POLR3E: variants seen among roughly 807,000 people sequenced by gnomAD.
POLR3E encodes RNA polymerase III subunit E.
POLR3E carries 41 observed loss-of-function variants against 96.6 expected under a neutral mutation model. The ratio of observed to expected loss-of-function variants is 0.42; its 90% CI spans 0.33 to 0.55. The LOEUF is 0.55. Among genes scored for constraint, POLR3E ranks in the 20% least tolerant of loss-of-function variants. The probability of loss-of-function intolerance (pLI) is 0.06; values close to 1 mark genes in which losing one functional copy is unlikely to be tolerated. For missense variants in POLR3E, 849 were observed against 952.1 expected, an observed-to-expected ratio of 0.89 and a Z score of 1.43; for synonymous variants, 396 against 383.6, an observed-to-expected ratio of 1.03 and a Z score of -0.38.
chr16:22,331,907 A>T, intron 19 of POLR3E, 153 bp from the exon 20 acceptor site: 1 of 679,746 alleles, frequency 1.5e-6, no homozygotes, highest in Non-Finnish European at 2.5e-6. Context: ...GTCTCTAGAG[A>T]TGACTTGGCT....
At chr16:22,328,721 C>G in intron 19 of POLR3E, 134 bp downstream of exon 19, 1 of 724,084 alleles carries the variant, frequency 1.4e-6, no homozygotes, top group South Asian at 1.5e-5. Flanking sequence ...TTTTAAATAT[C>G]CTGCTCCAAC....
In POLR3E at chr16:22,313,743, C is replaced by G; in HGVS notation, c.472+16C>G. 1 of 1,549,658 alleles carries G rather than the reference C, an allele frequency of 6.5e-7. No individual in the cohort carries two copies. The highest frequency in any genetic ancestry group is 1.1e-5 in the South Asian group (1 of 89,756). On this transcript the variant is annotated intron_variant, in intron 7 of 20. Coordinates refer to ENST00000299853, the MANE Select transcript of POLR3E (RefSeq NM_018119.4). This position sits in a 1 kb window ranked among gnomAD's most constrained non-coding sequence, Gnocchi z 4.1. ...GCCAACGAGGGTGAGCCCGGGATCCCCAGCCCTGCTGCCTGCCTGCCTTCA... is the reference window on the plus strand; with the variant it reads ...GCCAACGAGGGTGAGCCCGGGATCCGCAGCCCTGCTGCCTGCCTGCCTTCA...
chr16:22,324,706 C>A, intron 16 of POLR3E, 46 bp downstream of exon 16: 1 of 1,594,696 alleles, frequency 6.3e-7, no homozygotes, highest in Non-Finnish European at 8.6e-7. Context: ...ATCCCAGCAA[C>A]CCTGCATCCT....
At chr16:22,325,387 C>T (rs990903184) in intron 17 of POLR3E, 121 bp downstream of exon 17, 5 of 798,836 alleles carry the variant, frequency 6.3e-6, no homozygotes, top group Middle Eastern at 2.9e-4. Flanking sequence ...ACCGTTCACC[C>T]TTCACCCTCC....
chr16:22,324,493 T>C lies in POLR3E; in HGVS notation c.1129-10T>C. ...TGGCTGTGCCTCACGCTGGGCCCCC[T>C]CCCCTCCAGCTCTGCGCCGAGGATG... On this transcript the variant is annotated splice_polypyrimidine_tract_variant and intron_variant, in intron 15 of 20. Coordinates refer to ENST00000299853, the MANE Select transcript of POLR3E (RefSeq NM_018119.4). 1 of 1,600,978 alleles carries C rather than the reference T, an allele frequency of 6.2e-7. No homozygotes were observed. Among genetic ancestry groups the C allele is most frequent in the South Asian group, 1.1e-5 (1 of 90,710 alleles).
intron 19 of POLR3E, among the ~76,000 whole-genome samples, chr16:22,331,272 C>T (rs2048734895): frequency 6.6e-6 from 1 of 152,028 alleles, no homozygotes; most frequent in Non-Finnish European, 1.5e-5. Context: ...AGCCTCTGCG[C>T]CCGGCATGAA....
rs138320686 is a variant in POLR3E at position 22,311,028 on chromosome 16, C to G, written c.364+1518C>G. Among the ~76,000 whole-genome samples, 818 of 152,278 alleles carry G rather than the reference C, an allele frequency of 5.4e-3. 5 individuals are homozygous for G. Among genetic ancestry groups the G allele is most frequent in the Non-Finnish European group, 9.6e-3 (652 of 68,032 alleles). Reference sequence around the variant, plus strand: ...TTGCCCAAGTTGGAGTGCAGTGGCTCAATCTTGGCTCACTGAAACCTCTGC... The same window carrying G: ...TTGCCCAAGTTGGAGTGCAGTGGCTGAATCTTGGCTCACTGAAACCTCTGC... On this transcript the variant is annotated intron_variant, in intron 6 of 20. Coordinates refer to ENST00000299853, the MANE Select transcript of POLR3E (RefSeq NM_018119.4).
rs781538164 is a variant in POLR3E, at chr16:22,326,058, C to T, written c.1646C>T (p.Pro549Leu). 1.5e-5 allele frequency: 24 copies of T among 1,607,356 alleles called. No individual in the cohort carries two copies. Among genetic ancestry groups the T allele is most frequent in the South Asian group, 1.4e-4 (13 of 90,552 alleles). ...AAGTDSFNGHPPQGCASTPVA... is the reference protein window; with the variant it reads ...AAGTDSFNGHLPQGCASTPVA... ...GGCACAGACAGCTTCAACGGGCACC[C>T]GCCCCAGGGCTGCGCCAGCACCCCT... The change falls in exon 18 of 21, where the codon CCG becomes CTG. Residue 549 changes from proline to leucine, a missense_variant. By Grantham distance (98) the Pro-to-Leu change is moderately conservative. Coordinates refer to ENST00000299853, the MANE Select transcript of POLR3E (RefSeq NM_018119.4).
chr16:22,303,800 C>T (rs2048077939), intron 2 of POLR3E, among the ~76,000 whole-genome samples: 1 of 149,344 alleles, frequency 6.7e-6, no homozygotes, highest in South Asian at 2.1e-4. Context: ...ATCACCACGC[C>T]CGACTAATTT....
At chr16:22,315,758 G>T (rs943397005) in intron 9 of POLR3E, among the ~76,000 whole-genome samples, 1 of 152,050 alleles carries the variant, frequency 6.6e-6, no homozygotes, top group Non-Finnish European at 1.5e-5. Context: ...TGCAACCTCC[G>T]CCTCCCGGGT....
chr16:22,310,639 A>AC (rs397783107), intron 6 of POLR3E, among the ~76,000 whole-genome samples: 1 of 148,890 alleles, frequency 6.7e-6, no homozygotes, highest in Non-Finnish European at 1.5e-5. Context: ...AAAAAAAAAA[A>AC]GGTAAAAAGC....
chr16:22,328,733 CTG>C, intron 19 of POLR3E, 146 bp downstream of exon 19: 1 of 677,224 alleles, frequency 1.5e-6, no homozygotes, highest in South Asian at 1.7e-5. Context: ...TGCTCCAACT[CTG>C]TACGCTAACA....
intron 9 of POLR3E, among the ~76,000 whole-genome samples, chr16:22,315,947 C>T (rs968619502): frequency 7.2e-5 from 11 of 152,110 alleles, no homozygotes; most frequent in African/African-American, 2.2e-4. Flanking sequence ...GGATTACAGG[C>T]GTGAGCCACG....
At chr16:22,327,157 T>C (rs1292258164) in intron 18 of POLR3E, 4 of 152,534 alleles carry the variant, frequency 2.6e-5, no homozygotes, top group African/African-American at 9.6e-5. Context: ...TAAGAAAGCA[T>C]TGATGTTTTC....
rs1266704043 is a variant in POLR3E, at chr16:22,315,111, C to T, written c.545C>T (p.Ser182Leu). ...QITVRFSRPESEQARQRRVQS... is the reference protein window; with the variant it reads ...QITVRFSRPELEQARQRRVQS... ...CAGGTGCGGTTCTCCCGGCCGGAGTCAGAGCAGGCCCGCCAGCGCCGTGTG... is the reference window on the plus strand; with the variant it reads ...CAGGTGCGGTTCTCCCGGCCGGAGTTAGAGCAGGCCCGCCAGCGCCGTGTG... The change falls in exon 9 of 21, where the codon TCA (serine) becomes TTA (leucine). Residue 182 changes from serine to leucine, a missense_variant. Transcript: ENST00000299853. The T allele has an allele frequency of 2.5e-6, 4 of 1,613,506 alleles. No homozygotes were observed. Among genetic ancestry groups the T allele is most frequent in the Admixed American group, 3.3e-5 (2 of 59,996 alleles).
At chr16:22,307,767 G>A (rs1450649964) in intron 3 of POLR3E, among the ~76,000 whole-genome samples, 1 of 152,122 alleles carries the variant, frequency 6.6e-6, no homozygotes, top group East Asian at 1.9e-4. Flanking sequence ...CCTTTTGGTC[G>A]TCCTTCTCTC....
At position 22,325,894 on chromosome 16, in the gene POLR3E, T is replaced by G. The variant is rs373879568; in HGVS notation, c.1482T>G (p.Gly494=). The change falls in exon 18 of 21, where the codon GGT becomes GGG. Residue 494 remains glycine (G), a synonymous_variant. Transcript: ENST00000299853. ...TGCGGGTGCCTGCGGTCCCGCCCGG[T>G]GTGCGGATCAAGGAGGAGCCCGTGA... ...EQLRVPAVPP[G]VRIKEEPVSE... 9.3e-6 allele frequency: 15 copies of G among 1,608,252 alleles called. No individual in the cohort carries two copies. Among genetic ancestry groups the G allele is most frequent in the East Asian group, 4.5e-5 (2 of 44,630 alleles).
At chr16:22,301,963 A>G (rs1464625824) in intron 1 of POLR3E, among the ~76,000 whole-genome samples, 1 of 151,504 alleles carries the variant, frequency 6.6e-6, no homozygotes, top group African/African-American at 2.4e-5. Flanking sequence ...CTCACCCAAG[A>G]GCAGAGGTTT....
chr16:22,298,007 C>T (rs2047931924), intron 1 of POLR3E, among the ~76,000 whole-genome samples: 1 of 152,242 alleles, frequency 6.6e-6, no homozygotes, highest in Admixed American at 6.5e-5. Context: ...GCCGGAGCCC[C>T]CACTTCGCAG....
Sources: allele counts gnomAD v4.1 joint callset (sites outside exome capture counted in the v4.1 genomes callset), GRCh38; gene constraint gnomAD v4.1.1; non-coding constraint Gnocchi (gnomAD v3.1); transcripts MANE v1.5; gene names NCBI Gene and HGNC (gene_info 2026-07-23, HGNC 2026-07-21).